Variants in ACTR5 observed in about 807,000 individuals in gnomAD.
ACTR5 encodes the protein actin-related protein 5.
Under a neutral mutation model 61.2 loss-of-function variants are expected in ACTR5, and 43 were observed. The ratio of observed to expected loss-of-function variants is 0.70; its 90% CI spans 0.55 to 0.91. The LOEUF is 0.91. Among genes scored for constraint, ACTR5 ranks in the 40% least tolerant of loss-of-function variants. The pLI is 0.00. For missense variants in ACTR5, 798 were observed against 782.2 expected, an observed-to-expected ratio of 1.02 and a Z score of -0.24; for synonymous variants, 333 against 310.5, an observed-to-expected ratio of 1.07 and a Z score of -0.76.
rs2084411487 is a variant in ACTR5 at position 38,755,069 on chromosome 20, A to G, written c.888A>G (p.Glu296=). The change falls in exon 4 of 9, where the codon GAA becomes GAG. Residue 296 remains glutamate (E), a synonymous_variant. Coordinates refer to ENST00000243903, the MANE Select transcript of ACTR5 (RefSeq NM_024855.4). ...GSTLTSEEKQ[E]RRQQQLRRLQ... ...CTCTGACCTCTGAGGAGAAACAAGAAAGGCGGCAGCAGCAATTGCGGCGGC... is the reference window on the plus strand; with the variant it reads ...CTCTGACCTCTGAGGAGAAACAAGAGAGGCGGCAGCAGCAATTGCGGCGGC... The G allele has an allele frequency of 3.1e-6, 5 of 1,614,268 alleles. No individual in the cohort carries two copies. Among genetic ancestry groups the G allele is most frequent in the Non-Finnish European group, 4.2e-6 (5 of 1,180,044 alleles).
intron 3 of ACTR5, among the ~76,000 whole-genome samples, chr20:38,752,623 A>G (rs1272674992): frequency 6.6e-6 from 1 of 152,252 alleles, no homozygotes; most frequent in Non-Finnish European, 1.5e-5. Flanking sequence ...AAATTGTTTT[A>G]TTATACCCTT....
intron 5 of ACTR5, among the ~76,000 whole-genome samples, chr20:38,758,873 A>C (rs1299953710): frequency 6.6e-6 from 1 of 152,234 alleles, no homozygotes; most frequent in African/African-American, 2.4e-5. Context: ...ACCAAAATTC[A>C]TATTGAAATT....
rs766125785 is a variant in ACTR5, at chr20:38,755,118, C to T, written c.937C>T (p.Arg313Trp). Residue 313 changes from arginine (R) to tryptophan (W), a missense_variant, in exon 4 of 9, where the codon CGG becomes TGG. Transcript: ENST00000243903. ...GCTGCAGGAGCTCAATGCCCGGCGG[C>T]GGGAGGAGAAGCTGCAGCTGGATCA... ...RRLQELNARR[R>W]EEKLQLDQER... 18 of 1,613,800 alleles carry T rather than the reference C, an allele frequency of 1.1e-5. No homozygotes were observed. Among genetic ancestry groups the T allele is most frequent in the Non-Finnish European group, 1.3e-5 (15 of 1,179,918 alleles).
intron 5 of ACTR5, among the ~76,000 whole-genome samples, chr20:38,757,198 A>C (rs2084425297): frequency 1.3e-5 from 2 of 152,176 alleles, no homozygotes; most frequent in Admixed American, 1.3e-4. Context: ...AAGCACTGGG[A>C]TGACAGGCTT....
Position 38,771,720 on chromosome 20 carries a change from C to T in ACTR5, c.1728C>T (p.Pro576=), listed in dbSNP as rs564828345. The part of the protein sequence containing the change: ...KEHCASNIYV[P]IRLPKQASRS... ...ACTGTGCTTCCAACATCTATGTCCCCATCCGCCTGCCGAAGCAGGCCTCCC... is the reference window on the plus strand; with the variant it reads ...ACTGTGCTTCCAACATCTATGTCCCTATCCGCCTGCCGAAGCAGGCCTCCC... Residue 576 remains proline, a synonymous_variant, in exon 9 of 9, where the codon CCC becomes CCT. Transcript: ENST00000243903. 6.2e-7 allele frequency: 1 copy of T among 1,614,218 alleles called. No individual in the cohort carries two copies. Among genetic ancestry groups the T allele is most frequent in the African/African-American group, 1.3e-5 (1 of 75,058 alleles).
intron 8 of ACTR5, among the ~76,000 whole-genome samples, chr20:38,768,446 A>G (rs927712857): frequency 6.6e-6 from 1 of 152,104 alleles, no homozygotes; most frequent in Non-Finnish European, 1.5e-5. Context: ...CCGGGGTGAA[A>G]TCTGGGAGCA....
Position 38,750,175 on chromosome 20 carries a change from T to G in ACTR5, c.541T>G (p.Cys181Gly), listed in dbSNP as rs2145662519. ...CCACAATAAGCCAAAGAACTCGATG[T>G]GCAGTGGGCTAATCATTTCATCTGG... is the stretch of plus-strand genomic sequence containing the variant. ...FYHNKPKNSM[C>G]SGLIISSGYQ... is the part of the protein sequence containing the mutation. Residue 181 changes from cysteine to glycine, a missense_variant, in exon 2 of 9, where the codon TGC (cysteine) becomes GGC (glycine). Cys to Gly is a radical substitution (Grantham distance 159). Coordinates refer to ENST00000243903, the MANE Select transcript of ACTR5 (RefSeq NM_024855.4). The G allele has an allele frequency of 6.2e-7, 1 of 1,614,262 alleles. No individual in the cohort carries two copies. The highest frequency in any genetic ancestry group is 8.5e-7 in the Non-Finnish European group (1 of 1,180,044).
At chr20:38,766,576 C>T (rs1367562884) in intron 7 of ACTR5, among the ~76,000 whole-genome samples, 199 bp downstream of exon 7, 1 of 152,174 alleles carries the variant, frequency 6.6e-6, no homozygotes, top group Non-Finnish European at 1.5e-5. Flanking sequence ...TAGTTGTTTT[C>T]TGAACCTGTA....
Position 38,767,480 on chromosome 20 carries a change from C to A in ACTR5, c.1450C>A (p.Gln484Lys), listed in dbSNP as rs2084494404. 1 of 1,613,692 alleles carries A rather than the reference C, an allele frequency of 6.2e-7. No individual in the cohort carries two copies. The highest frequency in any genetic ancestry group is 1.3e-5 in the African/African-American group (1 of 74,866). ...CTTTCCTAGGTACCCAAAGGACATT[C>A]AGGAAATGCTGGTTCAGAACGTTTT... ...YILDRYPKDI[Q>K]EMLVQNVFLT... Residue 484 changes from glutamine to lysine, a missense_variant, in exon 8 of 9, where the codon CAG becomes AAG. By Grantham distance (53) the Gln-to-Lys change is moderately conservative. Transcript: ENST00000243903.
At chr20:38,766,519 T>C in intron 7 of ACTR5, 142 bp downstream of exon 7, 1 of 1,135,242 alleles carries the variant, frequency 8.8e-7, no homozygotes, top group Non-Finnish European at 1.2e-6. Flanking sequence ...TCAGATAGTA[T>C]TCCCTTCATC....
At chr20:38,763,055 A>T (rs933250294) in intron 5 of ACTR5, among the ~76,000 whole-genome samples, 62 of 152,328 alleles carry the variant, frequency 4.1e-4, no homozygotes, top group African/African-American at 1.4e-3. Context: ...ATGGAGAAGC[A>T]GCTCAGAGTG....
At chr20:38,759,406 A>G (rs1027092542) in intron 5 of ACTR5, among the ~76,000 whole-genome samples, 95 of 152,332 alleles carry the variant, frequency 6.2e-4, no homozygotes, top group African/African-American at 1.9e-3. Flanking sequence ...AGAGAAAACT[A>G]TTCTCTGTTG....
Position 38,771,563 on chromosome 20 carries a change from A to C in ACTR5, c.1571A>C (p.Gln524Pro), listed in dbSNP as rs773989440. Residue 524 changes from glutamine to proline, a missense_variant, in exon 9 of 9, where the codon CAA (glutamine) becomes CCA (proline). By Grantham distance (76) the Gln-to-Pro change is moderately conservative (BLOSUM62 -1). Coordinates refer to ENST00000243903, the MANE Select transcript of ACTR5 (RefSeq NM_024855.4). ...TGGTGAATCTTTGTGTTTCAGGTTC[A>C]ACTTGCCTCGAACCCTGTGCTGGAT... ...MRPFRSSFQVQLASNPVLDAW... is the reference protein window; with the variant it reads ...MRPFRSSFQVPLASNPVLDAW... The C allele has an allele frequency of 4.3e-6, 7 of 1,611,036 alleles. No homozygotes were observed. The South Asian group carries it at 7.7e-5, about 18-fold the overall frequency.
In ACTR5 at chr20:38,755,074, G is replaced by A. The variant is rs17853829; in HGVS notation, c.893G>A (p.Arg298Gln). ...TLTSEEKQER[R>Q]QQQLRRLQEL... ...ACCTCTGAGGAGAAACAAGAAAGGC[G>A]GCAGCAGCAATTGCGGCGGCTGCAG... The change falls in exon 4 of 9, where the codon CGG (arginine) becomes CAG (glutamine). Residue 298 changes from arginine (R) to glutamine (Q), a missense_variant. Physicochemically the swap from Arg to Gln is conservative, Grantham distance 43 (BLOSUM62 1). Transcript: ENST00000243903. The A allele has an allele frequency of 6.8e-6, 11 of 1,614,258 alleles. No individual in the cohort carries two copies. The South Asian group carries it at 7.7e-5, about 11-fold the overall frequency.
intron 8 of ACTR5, among the ~76,000 whole-genome samples, chr20:38,769,959 C>T (rs945274213): frequency 1.3e-5 from 2 of 152,110 alleles, no homozygotes; most frequent in Non-Finnish European, 2.9e-5. Context: ...AGAAAAAAAT[C>T]GTAGAGGATT....
chr20:38,754,436 C>A (rs1430908786), intron 3 of ACTR5, among the ~76,000 whole-genome samples: 1 of 151,938 alleles, frequency 6.6e-6, no homozygotes, highest in Non-Finnish European at 1.5e-5. Flanking sequence ...ACAATGGAGT[C>A]GGCCGGGCAT....
Position 38,765,399 on chromosome 20 carries a change from T to A in ACTR5, c.1177-3T>A, listed in dbSNP as rs770050639. ...TTCTGTTTCATTTTGCTCCTTCTCT[T>A]AGACCCCTGACCTGGAGCAGCTGGA... is the stretch of plus-strand genomic sequence containing the variant. On this transcript the variant is annotated splice_polypyrimidine_tract_variant and splice_region_variant and intron_variant, in intron 5 of 8. Coordinates refer to ENST00000243903, the MANE Select transcript of ACTR5 (RefSeq NM_024855.4). 4.3e-6 allele frequency: 7 copies of A among 1,612,778 alleles called. No homozygotes were observed. Among genetic ancestry groups the A allele is most frequent in the Admixed American group, 3.3e-5 (2 of 60,004 alleles).
At position 38,755,102 on chromosome 20, in the gene ACTR5, G is replaced by A. The variant is rs2084411804; in HGVS notation, c.921G>A (p.Glu307=). ...AGCAGCAATTGCGGCGGCTGCAGGA[G>A]CTCAATGCCCGGCGGCGGGAGGAGA... The part of the protein sequence containing the change: ...RRQQQLRRLQ[E]LNARRREEKL... The change falls in exon 4 of 9, where the codon GAG becomes GAA. Residue 307 remains glutamate (E), a synonymous_variant. Coordinates refer to ENST00000243903, the MANE Select transcript of ACTR5 (RefSeq NM_024855.4). The A allele has an allele frequency of 4.3e-6, 7 of 1,614,174 alleles. No individual in the cohort carries two copies. Among genetic ancestry groups the A allele is most frequent in the Non-Finnish European group, 5.9e-6 (7 of 1,180,004 alleles).
Position 38,771,997 on chromosome 20 carries a change from G to T in ACTR5, c.*181G>T, listed in dbSNP as rs2084522957. The T allele has an allele frequency of 5.8e-6, 5 of 855,820 alleles. No individual in the cohort carries two copies. The highest frequency in any genetic ancestry group is 8.7e-6 in the Non-Finnish European group (5 of 573,222). The allele number at this position is 855,820 out of a possible 1,614,324, so 53.0% of individuals were successfully genotyped here. On this transcript the variant is annotated 3_prime_UTR_variant, in exon 9 of 9. Coordinates refer to ENST00000243903, the MANE Select transcript of ACTR5 (RefSeq NM_024855.4). ...ACTGAGACCTGCCCTTCAGAATTCG[G>T]TTCACTTGGGGGCTTCTGTGGTAGA...
Sources: allele counts gnomAD v4.1 joint callset (sites outside exome capture counted in the v4.1 genomes callset), GRCh38; gene constraint gnomAD v4.1.1; transcripts MANE v1.5; gene names NCBI Gene and HGNC (gene_info 2026-07-23, HGNC 2026-07-21).